The following LFNG variants were observed in gnomAD, a reference collection of about 807,000 sequenced individuals.
The protein encoded by LFNG is LFNG O-fucosylpeptide 3-beta-N-acetylglucosaminyltransferase.
In LFNG, 15 loss-of-function variants were observed where a neutral mutation model predicts 32.7. The ratio of observed to expected loss-of-function variants is 0.46; its 90% confidence interval spans 0.31 to 0.71. LFNG has a LOEUF of 0.71. Among genes scored for constraint, LFNG ranks in the 30% least tolerant of loss-of-function variants. LFNG has a pLI of 0.06. For missense variants in LFNG, 520 were observed against 545.7 expected (o/e 0.95, Z 0.47); for synonymous variants, 274 against 246.8 (o/e 1.11, Z -1.03).
downstream of LFNG, chr7:2,529,022 G>A: frequency 2.3e-6 from 1 of 441,512 alleles, no homozygotes; most frequent in East Asian, 3.6e-5. This position sits in a 1 kb window ranked among gnomAD's most constrained non-coding sequence, Gnocchi z 4.2. Flanking sequence ...CCTGTGATGT[G>A]GCCCCAGGCC....
rs62444250 is a variant in LFNG, at chr7:2,525,215, A to T, written c.482-4A>T. On this transcript the variant is annotated splice_polypyrimidine_tract_variant and splice_region_variant and intron_variant, in intron 2 of 7. Transcript: ENST00000222725. Reference sequence around the variant, plus strand: ...CCTACTCACAGCCGCTCCCCTGTCCACAGGCAACGTGGTCATCACAAACTG... The same window carrying T: ...CCTACTCACAGCCGCTCCCCTGTCCTCAGGCAACGTGGTCATCACAAACTG... 1.2e-6 allele frequency: 2 copies of T among 1,612,428 alleles called. No individual in the cohort carries two copies. The highest frequency in any genetic ancestry group is 1.7e-5 in the Admixed American group (1 of 60,004).
In LFNG at chr7:2,527,675, T is replaced by C. The variant is rs1192586216; in HGVS notation, c.*463T>C. The C allele has an allele frequency of 1.1e-5, 12 of 1,109,386 alleles. No homozygotes were observed. Among genetic ancestry groups the C allele is most frequent in the Non-Finnish European group, 1.0e-5 (9 of 900,918 alleles). The allele number at this position is 1,109,386 out of a possible 1,614,324, so 68.7% of individuals were successfully genotyped here. A position where few individuals can be genotyped will look rare whatever the true frequency, so the allele number is the denominator to read the frequency against. ...TGTCATAGCCCCAAGTACGACTCACTGAGCCATGCTCATTGCAGGGGAGGC... is the reference window on the plus strand; with the variant it reads ...TGTCATAGCCCCAAGTACGACTCACCGAGCCATGCTCATTGCAGGGGAGGC... On this transcript the variant is annotated 3_prime_UTR_variant, in exon 8 of 8. Transcript: ENST00000222725. The surrounding 1 kb of genome is among the most constrained non-coding windows in gnomAD (Gnocchi z 4.4).
chr7:2,525,561 C>A lies in LFNG; in HGVS notation c.729C>A (p.Asn243Lys). The A allele has an allele frequency of 1.2e-6, 2 of 1,612,406 alleles. No individual in the cohort carries two copies. Among genetic ancestry groups the A allele is most frequent in the South Asian group, 1.1e-5 (1 of 91,032 alleles). ...AGGCCATGGAGCGGGTCAGCGAGAA[C>A]AAGGTGGTGAGTGCCTGCCCCTCCC... The part of the protein sequence containing the change: ...PIQAMERVSE[N>K]KVRPVHFWFA... The change falls in exon 4 of 8, where the codon AAC (asparagine) becomes AAA (lysine). Residue 243 changes from asparagine to lysine, a missense_variant. Coordinates refer to ENST00000222725, the MANE Select transcript of LFNG (RefSeq NM_001040167.2).
downstream of LFNG, chr7:2,529,096 T>C (rs1234609151): frequency 1.0e-5 from 4 of 390,362 alleles, no homozygotes; most frequent in African/African-American, 8.3e-5. The surrounding 1 kb of genome is among the most constrained non-coding windows in gnomAD (Gnocchi z 4.2). Context: ...GAGCCCCCAC[T>C]GCAGCTGGTC....
downstream of LFNG, chr7:2,528,498 C>T (rs1762726450): frequency 6.8e-6 from 6 of 888,684 alleles, no homozygotes; most frequent in Non-Finnish European, 8.1e-6. Context: ...AGGAGAGGCA[C>T]ACAGGTGAAG....
chr7:2,516,916 G>A (rs1371094164), upstream of LFNG, among the ~76,000 whole-genome samples: 1 of 152,172 alleles, frequency 6.6e-6, no homozygotes. Flanking sequence ...GCCCCTCTGG[G>A]TTCGGAAGGC....
chr7:2,514,804 G>C (rs1342509265), upstream of LFNG, among the ~76,000 whole-genome samples: 1 of 71,038 alleles, frequency 1.4e-5, no homozygotes, highest in African/African-American at 4.7e-5. Context: ...CCATTCATCT[G>C]TCGGTCTGTC....
In LFNG at chr7:2,526,499, T is replaced by C; in HGVS notation, c.987+90T>C. 7.0e-7 allele frequency: 1 copy of C among 1,431,980 alleles called. No homozygotes were observed. The highest frequency in any genetic ancestry group is 9.7e-7 in the Non-Finnish European group (1 of 1,035,982). 88.7% of individuals were successfully genotyped at this position (1,431,980 alleles called of 1,614,324 possible). On this transcript the variant is annotated intron_variant, in intron 6 of 7. Coordinates refer to ENST00000222725, the MANE Select transcript of LFNG (RefSeq NM_001040167.2). This position sits in a 1 kb window ranked among gnomAD's most constrained non-coding sequence, Gnocchi z 6.9. ...AGGGGCGCAGTGGGGTGGGGCACTG[T>C]TCTAAACAGGGAGGCCAGGCAGCAC...
rs1554291259 is a variant in LFNG, at chr7:2,527,338, G to GTGTGCA, written c.*130_*131insCATGTG. Reference sequence around the variant, plus strand: ...GCCGTGCCTGTGCGTGTGCGTGTGCGTGTGTGTGTGTGTGTACTGCATGCC... The same window carrying GTGTGCA: ...GCCGTGCCTGTGCGTGTGCGTGTGCGTGTGCATGTGTGTGTGTGTGTACTGCATGCC... On this transcript the variant is annotated 3_prime_UTR_variant, in exon 8 of 8. Transcript: ENST00000222725. This position sits in a 1 kb window ranked among gnomAD's most constrained non-coding sequence, Gnocchi z 4.4. The GTGTGCA allele has an allele frequency of 1.2e-4, 117 of 938,492 alleles. No individual in the cohort carries two copies. The African/African-American group carries it at 2.0e-3, about 16-fold the overall frequency. 58.1% of individuals were successfully genotyped at this position (938,492 alleles called of 1,614,324 possible).
upstream of LFNG, among the ~76,000 whole-genome samples, chr7:2,518,214 A>C (rs1779676743): frequency 6.6e-6 from 1 of 152,124 alleles, no homozygotes; most frequent in African/African-American, 2.4e-5. Flanking sequence ...AGCTGCATGG[A>C]GGCTCCAGGG....
chr7:2,526,311 G>C lies in LFNG; in HGVS notation c.889G>C (p.Val297Leu). 6.2e-7 allele frequency: 1 copy of C among 1,612,862 alleles called. No individual in the cohort carries two copies. The highest frequency in any genetic ancestry group is 8.5e-7 in the Non-Finnish European group (1 of 1,179,958). Residue 297 changes from valine (V) to leucine (L), a missense_variant, in exon 6 of 8, where the codon GTG becomes CTG. By Grantham distance (32) the Val-to-Leu change is conservative. Around this residue, in one of 3 missense-constraint regions of LFNG, gnomAD observed 150 missense variants for 159.9 expected, o/e 0.94. Coordinates refer to ENST00000222725, the MANE Select transcript of LFNG (RefSeq NM_001040167.2). The surrounding 1 kb of genome is among the most constrained non-coding windows in gnomAD (Gnocchi z 6.9). ...LPDDCTIGYI[V>L]EALLGVPLIR... ...TGATGACTGCACCATCGGCTACATC[G>C]TGGAGGCCCTGCTGGGTGTGCCCCT...
At position 2,526,368 on chromosome 7, in the gene LFNG, G is replaced by A. The variant is rs764262395; in HGVS notation, c.946G>A (p.Glu316Lys). The change falls in exon 6 of 8, where the codon GAG (glutamate) becomes AAG (lysine). Residue 316 changes from glutamate to lysine, a missense_variant. Physicochemically the swap from Glu to Lys is moderately conservative, Grantham distance 56. This residue lies in a region of LFNG where 150 missense variants were observed against 159.9 expected (regional missense o/e 0.94). Transcript: ENST00000222725. The surrounding 1 kb of genome is among the most constrained non-coding windows in gnomAD (Gnocchi z 6.9). ...IRSGLFHSHL[E>K]NLQQVPTSEL... ...CAGCGGCCTCTTCCACTCCCACCTG[G>A]AGAACCTGCAGCAGGTGCCCACCTC... 1 of 1,611,522 alleles carries A rather than the reference G, an allele frequency of 6.2e-7. No homozygotes were observed. Among genetic ancestry groups the A allele is most frequent in the Non-Finnish European group, 8.5e-7 (1 of 1,179,970 alleles).
chr7:2,513,428 A>AG, upstream of LFNG: 1 of 1,313,168 alleles, frequency 7.6e-7, no homozygotes, highest in Admixed American at 2.8e-5. Flanking sequence ...GATCCTTTCA[A>AG]GGGGGAAAGA....
chr7:2,518,066 G>A (rs2128374241), upstream of LFNG: 2 of 398,344 alleles, frequency 5.0e-6, no homozygotes, highest in Non-Finnish European at 7.8e-6. Context: ...TGAAGTCAGC[G>A]GTGTGACTGA....
At position 2,526,347 on chromosome 7, in the gene LFNG, G is replaced by T. The variant is rs752829411; in HGVS notation, c.925G>T (p.Gly309Cys). 6.2e-7 allele frequency: 1 copy of T among 1,612,294 alleles called. No individual in the cohort carries two copies. Among genetic ancestry groups the T allele is most frequent in the East Asian group, 2.2e-5 (1 of 44,882 alleles). Residue 309 changes from glycine (G) to cysteine (C), a missense_variant, in exon 6 of 8, where the codon GGC becomes TGC. Around this residue, in one of 3 missense-constraint regions of LFNG, gnomAD observed 150 missense variants for 159.9 expected, o/e 0.94. Transcript: ENST00000222725. The surrounding 1 kb of genome is among the most constrained non-coding windows in gnomAD (Gnocchi z 6.9). Reference sequence around the variant, plus strand: ...GCTGGGTGTGCCCCTCATCCGCAGCGGCCTCTTCCACTCCCACCTGGAGAA... The same window carrying T: ...GCTGGGTGTGCCCCTCATCCGCAGCTGCCTCTTCCACTCCCACCTGGAGAA... ...ALLGVPLIRSGLFHSHLENLQ... is the reference protein window; with the variant it reads ...ALLGVPLIRSCLFHSHLENLQ...
chr7:2,526,856 G>C lies in LFNG; in HGVS notation c.1008G>C (p.Met336Ile). 1 of 1,612,534 alleles carries C rather than the reference G, an allele frequency of 6.2e-7. No homozygotes were observed. The highest frequency in any genetic ancestry group is 8.5e-7 in the Non-Finnish European group (1 of 1,179,920). The change falls in exon 7 of 8, where the codon ATG (methionine) becomes ATC (isoleucine). Residue 336 changes from methionine (M) to isoleucine (I), a missense_variant. Coordinates refer to ENST00000222725, the MANE Select transcript of LFNG (RefSeq NM_001040167.2). This position sits in a 1 kb window ranked among gnomAD's most constrained non-coding sequence, Gnocchi z 6.9. ...CACAGGTGACGCTGAGCTACGGTAT[G>C]TTTGAAAACAAGCGGAACGCCGTCC... is the stretch of plus-strand genomic sequence containing the variant. ...LHEQVTLSYG[M>I]FENKRNAVHV... is the part of the protein sequence containing the mutation.
chr7:2,527,014 A>G lies in LFNG; in HGVS notation c.1073+93A>G, dbSNP rs1418578955. 1.4e-6 allele frequency: 2 copies of G among 1,420,796 alleles called. No individual in the cohort carries two copies. The highest frequency in any genetic ancestry group is 2.8e-5 in the African/African-American group (2 of 70,738). The allele number at this position is 1,420,796 out of a possible 1,614,324, so 88.0% of individuals were successfully genotyped here. ...CTGCAGCAGGGTCTCTCTAAGCGGCATGACTCTACATAGAGGTGTCCCCCG... is the reference window on the plus strand; with the variant it reads ...CTGCAGCAGGGTCTCTCTAAGCGGCGTGACTCTACATAGAGGTGTCCCCCG... On this transcript the variant is annotated intron_variant, in intron 7 of 7. Coordinates refer to ENST00000222725, the MANE Select transcript of LFNG (RefSeq NM_001040167.2). This position sits in a 1 kb window ranked among gnomAD's most constrained non-coding sequence, Gnocchi z 4.4.
chr7:2,527,507 A>G lies in LFNG; in HGVS notation c.*295A>G, dbSNP rs950645256. The stretch of plus-strand genomic sequence containing the variant: ...GTGTGTCGGAGGCCACTCCGAGGGC[A>G]ATTCTGTTAGGATTTTTGGATCTTT... On this transcript the variant is annotated 3_prime_UTR_variant, in exon 8 of 8. Transcript: ENST00000222725. This position sits in a 1 kb window ranked among gnomAD's most constrained non-coding sequence, Gnocchi z 4.4. 3.1e-5 allele frequency: 42 copies of G among 1,353,028 alleles called. No homozygotes were observed. In the East Asian group the frequency reaches 1.2e-3, roughly 40 times the overall value. The allele number at this position is 1,353,028 out of a possible 1,614,324, so 83.8% of individuals were successfully genotyped here.
rs1779983068 is a variant in LFNG at position 2,526,571 on chromosome 7, G to C, written c.987+162G>C. ...TCACTCCTGCCATGAGCTCAAAGCTGTTTATGGCGGGTTGTTTTCCTGCCG... is the reference window on the plus strand; with the variant it reads ...TCACTCCTGCCATGAGCTCAAAGCTCTTTATGGCGGGTTGTTTTCCTGCCG... On this transcript the variant is annotated intron_variant, in intron 6 of 7. Transcript: ENST00000222725. This position sits in a 1 kb window ranked among gnomAD's most constrained non-coding sequence, Gnocchi z 6.9. Among the ~76,000 whole-genome samples the C allele has an allele frequency of 6.6e-6, 1 of 152,224 alleles. No individual in the cohort carries two copies. Among genetic ancestry groups the C allele is most frequent in the African/African-American group, 2.4e-5 (1 of 41,458 alleles).
Sources: gnomAD v4.1 joint callset for allele counts (sites outside exome capture counted in the v4.1 genomes callset) on GRCh38, gnomAD v4.1.1 for gene constraint, gnomAD v4.1.1 regional missense constraint, Gnocchi (gnomAD v3.1) non-coding constraint, MANE v1.5 for transcripts, NCBI Gene and HGNC (gene_info 2026-07-23, HGNC 2026-07-21) for gene names.